Variants in H2AZ2 observed in about 807,000 individuals in gnomAD.
The protein encoded by H2AZ2 is H2A.Z variant histone 2.
A neutral mutation model predicts 15.5 loss-of-function variants in H2AZ2; 5 were observed. That is an observed-to-expected ratio of 0.32 (90% CI 0.17 to 0.68). The LOEUF (loss-of-function observed/expected upper bound fraction) is 0.68, where lower values mean the gene tolerates loss of function less well. Ranked by LOEUF, H2AZ2 falls within the 30% of genes least tolerant of loss-of-function variation. The pLI is 0.72. For synonymous variants in H2AZ2, 44 were observed against 57.4 expected, an observed-to-expected ratio of 0.77 and a Z score of 1.05; for missense variants, 42 against 162.5, an observed-to-expected ratio of 0.26 and a Z score of 4.03.
chr7:44,848,073 C>T lies in H2AZ2; in HGVS notation c.-102G>A. 2 of 644,282 alleles carry T rather than the reference C, an allele frequency of 3.1e-6. No homozygotes were observed. Among genetic ancestry groups the T allele is most frequent in the East Asian group, 3.9e-5 (1 of 25,456 alleles). The allele number at this position is 644,282 out of a possible 1,614,324, so 39.9% of individuals were successfully genotyped here. A position where few individuals can be genotyped will look rare whatever the true frequency, so the allele number is the denominator to read the frequency against. On this transcript the variant is annotated 5_prime_UTR_variant, in exon 1 of 5. Coordinates refer to ENST00000308153, the MANE Select transcript of H2AZ2 (RefSeq NM_012412.5). ...CAGCACCGACCGCCGCCGCCGGAGC[C>T]GGACAATACCCCGTGCCCGCCTCGC...
Position 44,840,891 on chromosome 7 carries a change from G to T in H2AZ2, c.195+8C>A, listed in dbSNP as rs773872384. On this transcript the variant is annotated splice_region_variant and intron_variant, in intron 3 of 4. Coordinates refer to ENST00000308153, the MANE Select transcript of H2AZ2 (RefSeq NM_012412.5). The stretch of plus-strand genomic sequence containing the variant: ...ATGGCCATATACAACAGACATTCCT[G>T]TACAAACCTCTGCAGTGAGGTACTC... The T allele has an allele frequency of 6.3e-7, 1 of 1,599,358 alleles. No individual in the cohort carries two copies. The highest frequency in any genetic ancestry group is 8.6e-7 in the Non-Finnish European group (1 of 1,166,842).
chr7:44,833,694 T>A lies in H2AZ2; in HGVS notation c.*807A>T, dbSNP rs745953682. On this transcript the variant is annotated 3_prime_UTR_variant, in exon 5 of 5. Transcript: ENST00000308153. Reference sequence around the variant, plus strand: ...CCAAAAGGAGAAACCTTTGATAAACTGAACATCAATTCCAGGTAAAACTAG... The same window carrying A: ...CCAAAAGGAGAAACCTTTGATAAACAGAACATCAATTCCAGGTAAAACTAG... 25 of 985,384 alleles carry A rather than the reference T, an allele frequency of 2.5e-5. No homozygotes were observed. Among genetic ancestry groups the A allele is most frequent in the Non-Finnish European group, 3.0e-5 (25 of 829,860 alleles). 61.0% of individuals were successfully genotyped at this position (985,384 alleles called of 1,614,324 possible).
downstream of H2AZ2, chr7:44,829,319 G>C (rs1045542297): frequency 6.6e-6 from 1 of 152,232 alleles, no homozygotes; most frequent in African/African-American, 2.4e-5. Context: ...AATGCTGGTT[G>C]GCTGGGCCTG....
At chr7:44,846,655 CAAA>C (rs78453116) in intron 1 of H2AZ2, among the ~76,000 whole-genome samples, 6 of 132,470 alleles carry the variant, frequency 4.5e-5, no homozygotes, top group South Asian at 2.3e-4. Context: ...AACAAAAAAC[CAAA>C]AAAAAAAAAA....
intron 1 of H2AZ2, among the ~76,000 whole-genome samples, chr7:44,845,319 C>A (rs941303650): frequency 7.9e-5 from 12 of 152,080 alleles, no homozygotes; most frequent in African/African-American, 2.7e-4. Flanking sequence ...TTAAGTTTAC[C>A]AGTAAGAACT....
intron 4 of H2AZ2, 143 bp downstream of exon 4, chr7:44,835,386 T>C (rs538413780): frequency 2.1e-5 from 12 of 567,606 alleles, no homozygotes; most frequent in Admixed American, 3.7e-5. Flanking sequence ...ATGAAAAGCT[T>C]AGAATTGTTA....
chr7:44,829,917 A>C, downstream of H2AZ2: 1 of 455,968 alleles, frequency 2.2e-6, no homozygotes, highest in South Asian at 3.1e-5. Flanking sequence ...ACATTCAGAA[A>C]ATTACTCATG....
downstream of H2AZ2, chr7:44,828,042 A>C (rs958246353): frequency 2.0e-5 from 3 of 151,934 alleles, no homozygotes; most frequent in Non-Finnish European, 4.4e-5. Context: ...TAACATGGCT[A>C]TTTTTTTCTG....
intron 1 of H2AZ2, 90 bp downstream of exon 1, chr7:44,847,879 C>A: frequency 1.3e-6 from 2 of 1,519,442 alleles, no homozygotes; most frequent in Admixed American, 4.1e-5. Context: ...CCCGCAAACT[C>A]CCGACTCCAC....
intron 3 of H2AZ2, among the ~76,000 whole-genome samples, chr7:44,836,083 C>T (rs1793114830): frequency 6.6e-6 from 1 of 150,760 alleles, no homozygotes; most frequent in Non-Finnish European, 1.5e-5. Context: ...GCCCTAGCGT[C>T]CTGAGCTGCT....
chr7:44,846,621 C>G (rs1387642584), intron 1 of H2AZ2, among the ~76,000 whole-genome samples: 1 of 136,700 alleles, frequency 7.3e-6, no homozygotes, highest in African/African-American at 2.7e-5. Flanking sequence ...AAAAAAAAAC[C>G]ACAAAAAACC....
chr7:44,831,675 T>C (rs1380957184), downstream of H2AZ2, among the ~76,000 whole-genome samples: 1 of 152,324 alleles, frequency 6.6e-6, no homozygotes, highest in African/African-American at 2.4e-5. Context: ...CGTGAATTAA[T>C]GAGCACAAGT....
intron 2 of H2AZ2, among the ~76,000 whole-genome samples, chr7:44,841,696 G>T (rs1465552574): frequency 6.6e-6 from 1 of 152,128 alleles, no homozygotes; most frequent in Non-Finnish European, 1.5e-5. Context: ...AGTAGAGACA[G>T]GGTTTTGAGT....
downstream of H2AZ2, among the ~76,000 whole-genome samples, chr7:44,831,539 C>T (rs111904389): frequency 2.7e-3 from 405 of 151,704 alleles, no homozygotes; most frequent in African/African-American, 8.9e-3. Context: ...CTCCCCCCCC[C>T]GCTTCTTTTT....
Position 44,834,565 on chromosome 7 carries a change from A to G in H2AZ2, c.326-3T>C, listed in dbSNP as rs1343654013. On this transcript the variant is annotated splice_polypyrimidine_tract_variant and splice_region_variant and intron_variant, in intron 4 of 4. Coordinates refer to ENST00000308153, the MANE Select transcript of H2AZ2 (RefSeq NM_012412.5). Reference sequence around the variant, plus strand: ...TTTGTGGATGTGAGGGATCACACCTAGAATGAAATTTAAAAAAGTTATTAA... The same window carrying G: ...TTTGTGGATGTGAGGGATCACACCTGGAATGAAATTTAAAAAAGTTATTAA... 5.0e-6 allele frequency: 8 copies of G among 1,593,030 alleles called. No homozygotes were observed. The highest frequency in any genetic ancestry group is 6.9e-6 in the Non-Finnish European group (8 of 1,165,554).
chr7:44,833,279 C>G lies in H2AZ2; in HGVS notation c.*1222G>C, dbSNP rs1254016862. 2.0e-5 allele frequency among the ~76,000 whole-genome samples: 3 copies of G among 152,138 alleles called. No homozygotes were observed. Among genetic ancestry groups the G allele is most frequent in the African/African-American group, 7.2e-5 (3 of 41,440 alleles). On this transcript the variant is annotated 3_prime_UTR_variant, in exon 5 of 5. Transcript: ENST00000308153. ...GAGGGAGTCTTGCTCAGTCGCCAAGCTGGAGTGCAGTGGCGCCATCTTGGC... is the reference window on the plus strand; with the variant it reads ...GAGGGAGTCTTGCTCAGTCGCCAAGGTGGAGTGCAGTGGCGCCATCTTGGC...
At chr7:44,846,052 C>G (rs1294695862) in intron 1 of H2AZ2, among the ~76,000 whole-genome samples, 1 of 98,142 alleles carries the variant, frequency 1.0e-5, no homozygotes, top group Non-Finnish European at 2.5e-5. Flanking sequence ...CACACACACA[C>G]ACACACACAC....
rs1793036871 is a variant in H2AZ2 at position 44,833,302 on chromosome 7, G to C, written c.*1199C>G. The stretch of plus-strand genomic sequence containing the variant: ...AGCTGGAGTGCAGTGGCGCCATCTT[G>C]GCTCACTGCAAGCTCCGCCTCCCGG... On this transcript the variant is annotated 3_prime_UTR_variant, in exon 5 of 5. Transcript: ENST00000308153. 6.6e-6 allele frequency among the ~76,000 whole-genome samples: 1 copy of C among 152,092 alleles called. No individual in the cohort carries two copies. Among genetic ancestry groups the C allele is most frequent in the Non-Finnish European group, 1.5e-5 (1 of 68,010 alleles).
chr7:44,846,548 T>C (rs1583723930), intron 1 of H2AZ2, among the ~76,000 whole-genome samples: 1 of 149,602 alleles, frequency 6.7e-6, no homozygotes, highest in Admixed American at 6.6e-5. Flanking sequence ...GAGGCGGAGG[T>C]TGCAGTGAGT....
Sources: gnomAD v4.1 joint callset for allele counts (sites outside exome capture counted in the v4.1 genomes callset) on GRCh38, gnomAD v4.1.1 for gene constraint, MANE v1.5 for transcripts, NCBI Gene and HGNC (gene_info 2026-07-23, HGNC 2026-07-21) for gene names.